The following RTN1 variants were observed in gnomAD, a reference collection of about 807,000 sequenced individuals.
The protein encoded by RTN1 is reticulon-1.
A neutral mutation model predicts 65.5 loss-of-function variants in RTN1; 25 were observed. That is an observed-to-expected ratio of 0.38 (90% CI 0.28 to 0.53). The LOEUF (loss-of-function observed/expected upper bound fraction) is 0.53, where lower values mean the gene tolerates loss of function less well. RTN1 is among the 20% of genes least tolerant of loss of function. The pLI is 0.79. For synonymous variants in RTN1, 471 were observed against 447.6 expected (o/e 1.05, Z -0.66); for missense variants, 983 against 1,025.4 (o/e 0.96, Z 0.57).
At position 59,737,493 on chromosome 14, in the gene RTN1, C is replaced by T. The variant is rs144316208; in HGVS notation, c.1015+8215G>A. Among the ~76,000 whole-genome samples, 3 of 152,244 alleles carry T rather than the reference C, an allele frequency of 2.0e-5. No homozygotes were observed. The East Asian group carries it at 5.8e-4, about 29-fold the overall frequency. ...CCTCTTCAAGGGGAACTACAAACAA[C>T]TGCCCAAAGAAATCAGAGATGACAC... On this transcript the variant is annotated intron_variant, in intron 2 of 8. Coordinates refer to ENST00000267484, the MANE Select transcript of RTN1 (RefSeq NM_021136.3).
chr14:59,791,218 T>G (rs976208172), intron 1 of RTN1, among the ~76,000 whole-genome samples: 1 of 152,182 alleles, frequency 6.6e-6, no homozygotes, highest in East Asian at 1.9e-4. Flanking sequence ...CTCTTTATCC[T>G]AGTTTCCGTG....
At chr14:59,855,688 T>G (rs1250033068) in intron 1 of RTN1, among the ~76,000 whole-genome samples, 1 of 152,178 alleles carries the variant, frequency 6.6e-6, no homozygotes, top group African/African-American at 2.4e-5. Context: ...TATATATTGC[T>G]TAAATAGAAG....
chr14:59,863,242 T>G (rs1023453156), intron 1 of RTN1, among the ~76,000 whole-genome samples: 3 of 152,094 alleles, frequency 2.0e-5, no homozygotes, highest in African/African-American at 7.2e-5. Context: ...CATCTCACTC[T>G]CCATACAGTT....
chr14:59,631,411 G>A (rs774689677), intron 3 of RTN1, among the ~76,000 whole-genome samples: 4 of 152,198 alleles, frequency 2.6e-5, no homozygotes, highest in Admixed American at 6.5e-5. Context: ...ACTCAGGGAA[G>A]CAAAGGGCAT....
At chr14:59,842,627 T>C (rs1887334917) in intron 1 of RTN1, among the ~76,000 whole-genome samples, 1 of 152,172 alleles carries the variant, frequency 6.6e-6, no homozygotes, top group South Asian at 2.1e-4. Flanking sequence ...CTTAACCTAA[T>C]TGGCACTTAT....
intron 1 of RTN1, among the ~76,000 whole-genome samples, chr14:59,859,262 T>C (rs1473710982): frequency 6.6e-6 from 1 of 152,220 alleles, no homozygotes; most frequent in Non-Finnish European, 1.5e-5. Flanking sequence ...AATTGAATCA[T>C]GGGGCAGGTC....
At chr14:59,693,518 C>T (rs879838647) in intron 3 of RTN1, among the ~76,000 whole-genome samples, 2 of 152,108 alleles carry the variant, frequency 1.3e-5, no homozygotes, top group Non-Finnish European at 1.5e-5. Context: ...CCACCCTCAC[C>T]GTCCTATCAG....
rs1364125102 is a variant in RTN1, at chr14:59,794,011, C to T, written c.242-47530G>A. Among the ~76,000 whole-genome samples the T allele has an allele frequency of 6.6e-6, 1 of 152,088 alleles. No individual in the cohort carries two copies. Among genetic ancestry groups the T allele is most frequent in the African/African-American group, 2.4e-5 (1 of 41,426 alleles). ...TCTGGATGCCTCCTAGCACCCATTACACTCCTCTCCCACTGAGTACCGGCC... is the reference window on the plus strand; with the variant it reads ...TCTGGATGCCTCCTAGCACCCATTATACTCCTCTCCCACTGAGTACCGGCC... On this transcript the variant is annotated intron_variant, in intron 1 of 8. Transcript: ENST00000267484. The surrounding 1 kb of genome is among the most constrained non-coding windows in gnomAD (Gnocchi z 5.1).
intron 1 of RTN1, among the ~76,000 whole-genome samples, chr14:59,832,234 A>G (rs1021114728): frequency 6.6e-6 from 1 of 152,162 alleles, no homozygotes; most frequent in Non-Finnish European, 1.5e-5. Flanking sequence ...ACAAATAACC[A>G]ACACTCTTTT....
intron 1 of RTN1, among the ~76,000 whole-genome samples, chr14:59,783,853 G>C (rs1886200873): frequency 6.8e-6 from 1 of 146,194 alleles, no homozygotes; most frequent in Non-Finnish European, 1.5e-5. Flanking sequence ...TAAAAGTGTA[G>C]TATAAACAAA....
intron 1 of RTN1, among the ~76,000 whole-genome samples, chr14:59,748,768 A>G (rs577270419): frequency 1.3e-5 from 2 of 151,950 alleles, no homozygotes; most frequent in East Asian, 3.9e-4. Flanking sequence ...CTCAATACAT[A>G]TTTGCAAAAT....
At chr14:59,741,673 C>T (rs753911172) in intron 2 of RTN1, among the ~76,000 whole-genome samples, 19 of 152,246 alleles carry the variant, frequency 1.2e-4, no homozygotes, top group East Asian at 1.9e-4. Flanking sequence ...TCCTTCCCCA[C>T]GATCTCGGCC....
At chr14:59,666,776 A>G (rs1216433327) in intron 3 of RTN1, among the ~76,000 whole-genome samples, 1 of 152,064 alleles carries the variant, frequency 6.6e-6, no homozygotes, top group Non-Finnish European at 1.5e-5. Flanking sequence ...CACCAATCCC[A>G]CAGAAATACA....
rs533322638 is a variant in RTN1, at chr14:59,607,261, G to A, written c.1973+24C>T. On this transcript the variant is annotated intron_variant, in intron 4 of 8. Transcript: ENST00000267484. The stretch of plus-strand genomic sequence containing the variant: ...GTAAAAGCCCCTGGTCAGTGGGTGA[G>A]GGCTCCTCAGCTGAGGCACTCACTT... 3.5e-5 allele frequency: 56 copies of A among 1,607,366 alleles called. No homozygotes were observed. In the South Asian group the frequency reaches 5.9e-4, roughly 17 times the overall value.
intron 3 of RTN1, among the ~76,000 whole-genome samples, chr14:59,657,075 G>A (rs1883136457): frequency 6.6e-6 from 1 of 151,842 alleles, no homozygotes; most frequent in African/African-American, 2.4e-5. Context: ...ACAAATAGCT[G>A]GAAAAAGGAA....
At chr14:59,606,102 T>TTATATA (rs1566658026) in intron 4 of RTN1, 57 of 51,688 alleles carry the variant, frequency 1.1e-3, no homozygotes, top group African/African-American at 6.1e-3. Context: ...GGGAAAAACA[T>TTATATA]GATATATATA....
intron 1 of RTN1, among the ~76,000 whole-genome samples, chr14:59,827,109 C>T (rs1036479176): frequency 2.0e-5 from 3 of 152,056 alleles, no homozygotes; most frequent in African/African-American, 7.3e-5. Context: ...GACAGAGTCT[C>T]GCTCTGTCAC....
At position 59,791,297 on chromosome 14, in the gene RTN1, C is replaced by G. The variant is rs1886343960; in HGVS notation, c.242-44816G>C. Among the ~76,000 whole-genome samples the G allele has an allele frequency of 2.6e-5, 4 of 152,278 alleles. No homozygotes were observed. In the South Asian group the frequency reaches 8.3e-4, roughly 32 times the overall value. ...AAGACAATATAATTGTTCCCCAGCT[C>G]TCCTCCATATTATCTGACACCTCTT... On this transcript the variant is annotated intron_variant, in intron 1 of 8. Coordinates refer to ENST00000267484, the MANE Select transcript of RTN1 (RefSeq NM_021136.3).
At position 59,868,027 on chromosome 14, in the gene RTN1, G is replaced by A. The variant is rs1887828075; in HGVS notation, c.241+2363C>T. On this transcript the variant is annotated intron_variant, in intron 1 of 8. Coordinates refer to ENST00000267484, the MANE Select transcript of RTN1 (RefSeq NM_021136.3). The surrounding 1 kb of genome is among the most constrained non-coding windows in gnomAD (Gnocchi z 4.0). ...AAATTAAGAAATACAGTGTAAAGTA[G>A]TGTGCTTAATAGGCATCTCTGATAC... is the stretch of plus-strand genomic sequence containing the variant. Among the ~76,000 whole-genome samples, 1 of 152,208 alleles carries A rather than the reference G, an allele frequency of 6.6e-6. No homozygotes were observed. The highest frequency in any genetic ancestry group is 1.5e-5 in the Non-Finnish European group (1 of 68,036).
Sources: allele counts gnomAD v4.1 joint callset (sites outside exome capture counted in the v4.1 genomes callset), GRCh38; gene constraint gnomAD v4.1.1; non-coding constraint Gnocchi (gnomAD v3.1); transcripts MANE v1.5; gene names NCBI Gene and HGNC (gene_info 2026-07-23, HGNC 2026-07-21).